The following ADAMTS3 variants were observed in gnomAD, a reference collection of about 807,000 sequenced individuals.
ADAMTS3 encodes the protein A disintegrin and metalloproteinase with thrombospondin motifs 3.
In ADAMTS3, 73 loss-of-function variants were observed where a neutral mutation model predicts 129.0. The observed-to-expected ratio is 0.57, with a 90% CI of 0.47 to 0.69. The LOEUF (loss-of-function observed/expected upper bound fraction) is 0.69. ADAMTS3 is among the 30% of genes least tolerant of loss of function. The probability of loss-of-function intolerance (pLI) is 0.00; values close to 1 mark genes in which losing one functional copy is unlikely to be tolerated. For synonymous variants in ADAMTS3, 477 were observed against 510.8 expected, an observed-to-expected ratio of 0.93 and a Z score of 0.89; for missense variants, 1,457 against 1,514.5, an observed-to-expected ratio of 0.96 and a Z score of 0.63.
intron 4 of ADAMTS3, among the ~76,000 whole-genome samples, chr4:72,368,530 A>G (rs972311696): frequency 2.0e-5 from 3 of 152,218 alleles, no homozygotes; most frequent in Non-Finnish European, 4.4e-5. Context: ...ATGGCTTCCC[A>G]ATTCTTCTAA....
chr4:72,368,135 A>G (rs953143169), intron 4 of ADAMTS3, among the ~76,000 whole-genome samples: 1 of 152,202 alleles, frequency 6.6e-6, no homozygotes, highest in African/African-American at 2.4e-5. Flanking sequence ...CATATTATTA[A>G]GTAATACAAC....
chr4:72,315,163 T>A (rs1719358688), intron 11 of ADAMTS3, among the ~76,000 whole-genome samples: 1 of 152,192 alleles, frequency 6.6e-6, no homozygotes, highest in African/African-American at 2.4e-5. Context: ...TGCCAGCAAG[T>A]CAATCAGATC....
chr4:72,484,777 A>T (rs1265281001), intron 3 of ADAMTS3, among the ~76,000 whole-genome samples: 2 of 152,214 alleles, frequency 1.3e-5, no homozygotes. Context: ...AAAGGTAGAT[A>T]CCTGAAAGAT....
chr4:72,369,026 T>C (rs1388206799), intron 4 of ADAMTS3, among the ~76,000 whole-genome samples: 1 of 152,198 alleles, frequency 6.6e-6, no homozygotes, highest in Non-Finnish European at 1.5e-5. Flanking sequence ...ATTGAGTATA[T>C]TCTGTGTTCT....
At chr4:72,284,136 T>G (rs1323102177) in intron 21 of ADAMTS3, among the ~76,000 whole-genome samples, 1 of 152,146 alleles carries the variant, frequency 6.6e-6, no homozygotes, top group Non-Finnish European at 1.5e-5. Context: ...GAAATCAAAA[T>G]AAATACTAAA....
intron 3 of ADAMTS3, among the ~76,000 whole-genome samples, chr4:72,460,766 A>G (rs571641595): frequency 1.3e-4 from 19 of 151,700 alleles, no homozygotes; most frequent in African/African-American, 4.6e-4. Flanking sequence ...GAGCAAAGGA[A>G]TATTCAAAAA....
chr4:72,483,958 C>A (rs1242595916), intron 3 of ADAMTS3, among the ~76,000 whole-genome samples: 1 of 151,936 alleles, frequency 6.6e-6, no homozygotes, highest in Admixed American at 6.5e-5. Context: ...GCGGAACTTG[C>A]GGTGAGCCAA....
chr4:72,333,022 C>T (rs551603419), intron 5 of ADAMTS3, among the ~76,000 whole-genome samples: 7 of 152,292 alleles, frequency 4.6e-5, no homozygotes, highest in African/African-American at 1.7e-4. Flanking sequence ...CTGACTCTGC[C>T]ATACTAACTG....
At chr4:72,381,424 C>T (rs926961128) in intron 4 of ADAMTS3, among the ~76,000 whole-genome samples, 5 of 151,854 alleles carry the variant, frequency 3.3e-5, no homozygotes, top group Admixed American at 3.3e-4. Flanking sequence ...GCAAATCCAG[C>T]GGCAGTCCAC....
chr4:72,311,423 C>G (rs576631629), intron 13 of ADAMTS3, among the ~76,000 whole-genome samples: 38 of 151,972 alleles, frequency 2.5e-4, no homozygotes, highest in African/African-American at 9.2e-4. Flanking sequence ...AATAACTGAG[C>G]AGGAACAACA....
At chr4:72,479,718 T>G (rs1251687952) in intron 3 of ADAMTS3, among the ~76,000 whole-genome samples, 1 of 152,078 alleles carries the variant, frequency 6.6e-6, no homozygotes, top group Non-Finnish European at 1.5e-5. Context: ...CTAAAGAGCT[T>G]CTGCACAGCA....
chr4:72,399,090 C>T (rs557037421), intron 4 of ADAMTS3, among the ~76,000 whole-genome samples: 1 of 152,104 alleles, frequency 6.6e-6, no homozygotes, highest in Non-Finnish European at 1.5e-5. Context: ...TTTAAAAGTA[C>T]TTGCAAAGCT....
chr4:72,315,156 C>A (rs1719358524), intron 11 of ADAMTS3, among the ~76,000 whole-genome samples: 1 of 152,152 alleles, frequency 6.6e-6, no homozygotes, highest in Admixed American at 6.6e-5. Flanking sequence ...AATGGCATGC[C>A]AGCAAGTCAA....
intron 4 of ADAMTS3, among the ~76,000 whole-genome samples, chr4:72,412,472 C>G (rs190142231): frequency 3.2e-4 from 49 of 152,088 alleles, no homozygotes; most frequent in Admixed American, 7.9e-4. Flanking sequence ...GGCTCTCCAT[C>G]TTGCTACCAA....
chr4:72,382,551 G>T (rs1386359732), intron 4 of ADAMTS3, among the ~76,000 whole-genome samples: 2 of 152,042 alleles, frequency 1.3e-5, no homozygotes, highest in Admixed American at 1.3e-4. Context: ...CAAAGGAAAA[G>T]AAACAGTTTT....
chr4:72,471,758 CAA>C (rs1453130189), intron 3 of ADAMTS3, among the ~76,000 whole-genome samples: 9 of 151,790 alleles, frequency 5.9e-5, no homozygotes, highest in Non-Finnish European at 1.3e-4. Flanking sequence ...TAATATATGC[CAA>C]GTTTATTATA....
chr4:72,395,016 C>A (rs1437643297), intron 4 of ADAMTS3, among the ~76,000 whole-genome samples: 1 of 152,064 alleles, frequency 6.6e-6, no homozygotes, highest in Non-Finnish European at 1.5e-5. Flanking sequence ...CCTCCGCCTC[C>A]TGGGTGCAAG....
In ADAMTS3 at chr4:72,503,184, G is replaced by A. The variant is rs150339230; in HGVS notation, c.504+45294C>T. 1.8e-3 allele frequency among the ~76,000 whole-genome samples: 269 copies of A among 151,934 alleles called. 3 individuals are homozygous for A. The highest frequency in any genetic ancestry group is 6.1e-3 in the African/African-American group (252 of 41,448). On this transcript the variant is annotated intron_variant, in intron 3 of 21. Transcript: ENST00000286657. ...ATTACAGGTGCCCACCACCACGCTT[G>A]GCTAATTTTTTGTATTTTACTAGAG...
intron 3 of ADAMTS3, among the ~76,000 whole-genome samples, chr4:72,440,127 TA>T (rs966822529): frequency 5.9e-5 from 9 of 151,712 alleles, no homozygotes; most frequent in African/African-American, 2.2e-4. Context: ...TGTTACTGCC[TA>T]AAAAAATGGT....
Sources: allele counts gnomAD v4.1 joint callset (sites outside exome capture counted in the v4.1 genomes callset), GRCh38; gene constraint gnomAD v4.1.1; transcripts MANE v1.5; gene names NCBI Gene and HGNC (gene_info 2026-07-23, HGNC 2026-07-21).